The following SLC15A3 variants were observed in gnomAD, a reference collection of about 807,000 sequenced individuals.
SLC15A3 encodes the protein osteoclast transporter.
SLC15A3 carries 39 observed loss-of-function variants against 49.2 expected under a neutral mutation model. The observed-to-expected ratio is 0.79, with a 90% CI of 0.61 to 1.04. SLC15A3 has a LOEUF of 1.04. Among genes scored for constraint, SLC15A3 ranks in the 50% least tolerant of loss-of-function variants. SLC15A3 has a pLI of 0.00. For missense variants in SLC15A3, 758 were observed against 794.8 expected (o/e 0.95, Z 0.56); for synonymous variants, 339 against 367.0 (o/e 0.92, Z 0.87).
chr11:60,949,548 G>GAA (rs981886374), intron 1 of SLC15A3, among the ~76,000 whole-genome samples: 3 of 78,480 alleles, frequency 3.8e-5, no homozygotes, highest in African/African-American at 8.3e-5. Flanking sequence ...AAGAAAGAAA[G>GAA]AAAGAAAGAA....
At chr11:60,937,754 C>T in intron 7 of SLC15A3, 116 bp downstream of exon 7, 1 of 1,342,138 alleles carries the variant, frequency 7.5e-7, no homozygotes, top group Non-Finnish European at 1.0e-6. Flanking sequence ...ACCCCATTCT[C>T]CCAAGTCTAG....
rs188885660 is a variant in SLC15A3, at chr11:60,950,004, T to C, written c.558+990A>G. On this transcript the variant is annotated intron_variant, in intron 1 of 7. Coordinates refer to ENST00000227880, the MANE Select transcript of SLC15A3 (RefSeq NM_016582.3). ...GGGAACAGCTATCAAAATATAGCCGTGTTGTTGGGCATTTACTCATTCATT... is the reference window on the plus strand; with the variant it reads ...GGGAACAGCTATCAAAATATAGCCGCGTTGTTGGGCATTTACTCATTCATT... 2.4e-3 allele frequency among the ~76,000 whole-genome samples: 367 copies of C among 152,324 alleles called. 2 individuals carry two copies. Among genetic ancestry groups the C allele is most frequent in the African/African-American group, 7.8e-3 (325 of 41,572 alleles).
Position 60,941,220 on chromosome 11 carries a change from A to G in SLC15A3, c.1178T>C (p.Leu393Ser), listed in dbSNP as rs547912188. 5.0e-6 allele frequency: 8 copies of G among 1,614,216 alleles called. No individual in the cohort carries two copies. In the East Asian group the frequency reaches 8.9e-5, roughly 18 times the overall value. Residue 393 changes from leucine to serine, a missense_variant, in exon 5 of 8, where the codon TTG becomes TCG. Transcript: ENST00000227880. ...GCACCGCAGCAGTAAAGGGTCGATC[A>G]AGCGGTCCTTCAGAGGGACCAGAAT... is the stretch of plus-strand genomic sequence containing the variant. ...VLILVPLKDRLIDPLLLRCKL... is the reference protein window; with the variant it reads ...VLILVPLKDRSIDPLLLRCKL...
chr11:60,942,188 T>C lies in SLC15A3; in HGVS notation c.997-43A>G, dbSNP rs57680304. 11,212 of 1,552,884 alleles carry C rather than the reference T, an allele frequency of 7.2e-3. 642 individuals are homozygous for C. The African/African-American group carries it at 0.13, about 18-fold the overall frequency. On this transcript the variant is annotated intron_variant, in intron 3 of 7. Coordinates refer to ENST00000227880, the MANE Select transcript of SLC15A3 (RefSeq NM_016582.3). ...GGTGAGGCTGGAACAGAAACGGCCA[T>C]GCCCCCTCCCAACTCCTAGGTGGCA...
intron 6 of SLC15A3, among the ~76,000 whole-genome samples, chr11:60,938,457 C>G (rs1856658452): frequency 6.6e-6 from 1 of 152,120 alleles, no homozygotes. Flanking sequence ...CCAACCCCAG[C>G]CCTGGTCACT....
chr11:60,947,572 GA>G (rs1189023307), intron 1 of SLC15A3, among the ~76,000 whole-genome samples: 4 of 152,288 alleles, frequency 2.6e-5, no homozygotes, highest in Middle Eastern at 3.4e-3. Flanking sequence ...CGAAAGAACA[GA>G]AGTCTGAGCG....
chr11:60,943,640 T>C (rs1420510001), intron 3 of SLC15A3, 49 bp downstream of exon 3: 5 of 1,451,058 alleles, frequency 3.4e-6, no homozygotes, highest in Non-Finnish European at 4.6e-6. Context: ...GCCATTCAGA[T>C]GGTGAGTGGG....
At chr11:60,939,189 C>T (rs1337046243) in intron 6 of SLC15A3, among the ~76,000 whole-genome samples, 1 of 152,184 alleles carries the variant, frequency 6.6e-6, no homozygotes, top group Non-Finnish European at 1.5e-5. Flanking sequence ...GAGGGAACAG[C>T]AACTTCAAAG....
chr11:60,942,017 A>C lies in SLC15A3; in HGVS notation c.1107+18T>G, dbSNP rs1299607577. ...TACCTGGCTGAACTGGGTGCCGAAC[A>C]CATGCTTTATCTCTCACCGTGTAGC... On this transcript the variant is annotated intron_variant, in intron 4 of 7. Transcript: ENST00000227880. 5 of 1,610,634 alleles carry C rather than the reference A, an allele frequency of 3.1e-6. No individual in the cohort carries two copies. The highest frequency in any genetic ancestry group is 4.2e-6 in the Non-Finnish European group (5 of 1,176,940).
intron 1 of SLC15A3, among the ~76,000 whole-genome samples, chr11:60,948,484 G>T (rs11605460): frequency 0.026 from 3,964 of 152,198 alleles, 99 homozygotes; most frequent in East Asian, 0.1. Context: ...AGCTCCTGGG[G>T]TATAGCTGTT....
intron 1 of SLC15A3, among the ~76,000 whole-genome samples, chr11:60,949,589 G>A (rs1357543572): frequency 6.7e-6 from 1 of 149,370 alleles, no homozygotes; most frequent in Non-Finnish European, 1.5e-5. Flanking sequence ...GCCAGGGCTG[G>A]CCTGGGGGCA....
chr11:60,949,556 GAA>G (rs147789337), intron 1 of SLC15A3, among the ~76,000 whole-genome samples: 3 of 71,378 alleles, frequency 4.2e-5, no homozygotes, highest in Admixed American at 1.9e-4. Flanking sequence ...AAGAAAGAAA[GAA>G]AGAAAGAAAG....
intron 5 of SLC15A3, 140 bp from the exon 6 acceptor site, chr11:60,939,778 T>TG (rs1190124763): frequency 1.1e-6 from 1 of 949,396 alleles, no homozygotes. Flanking sequence ...AATGCTGGAC[T>TG]GGGGGGTGGA....
rs1565124844 is a variant in SLC15A3 at position 60,937,120 on chromosome 11, C to G, written c.*99G>C. ...GGCTCATGCCCCTTATTTATGGGAA[C>G]CATTTCATTCTAACAGAATAAACCG... On this transcript the variant is annotated 3_prime_UTR_variant, in exon 8 of 8. Coordinates refer to ENST00000227880, the MANE Select transcript of SLC15A3 (RefSeq NM_016582.3). The G allele has an allele frequency of 2.0e-6, 3 of 1,499,814 alleles. No individual in the cohort carries two copies. The highest frequency in any genetic ancestry group is 2.7e-6 in the Non-Finnish European group (3 of 1,120,334). 92.9% of individuals were successfully genotyped at this position (1,499,814 alleles called of 1,614,324 possible). A position where few individuals can be genotyped will look rare whatever the true frequency, so the allele number is the denominator to read the frequency against.
intron 3 of SLC15A3, 191 bp from the exon 4 acceptor site, chr11:60,942,336 T>G: frequency 1.8e-6 from 1 of 562,966 alleles, no homozygotes; most frequent in South Asian, 2.0e-5. Context: ...CTTCCTGTGC[T>G]CTGCTCTCAG....
In SLC15A3 at chr11:60,942,049, C is replaced by G. The variant is rs376050411; in HGVS notation, c.1093G>C (p.Gly365Arg). The G allele has an allele frequency of 4.3e-6, 7 of 1,613,976 alleles. No homozygotes were observed. Among genetic ancestry groups the G allele is most frequent in the Middle Eastern group, 1.6e-4 (1 of 6,084 alleles). Reference sequence around the variant, plus strand: ...TTATCTCTCACCGTGTAGCTGCTGCCCTGGGCTCTCAGGGCCACAGAGATG... The same window carrying G: ...TTATCTCTCACCGTGTAGCTGCTGCGCTGGGCTCTCAGGGCCACAGAGATG... The part of the protein sequence containing the change: ...ANISVALRAQ[G>R]SSYTIPEAWL... Residue 365 changes from glycine to arginine, a missense_variant, in exon 4 of 8, where the codon GGC becomes CGC. Coordinates refer to ENST00000227880, the MANE Select transcript of SLC15A3 (RefSeq NM_016582.3).
In SLC15A3 at chr11:60,949,496, G is replaced by C. The variant is rs895694715; in HGVS notation, c.558+1498C>G. ...AAAGAGAAAGAAAGGAAGAAAGAAA[G>C]AAAGAAGGAAAGAAAGAAAGAAAGA... On this transcript the variant is annotated intron_variant, in intron 1 of 7. Transcript: ENST00000227880. Among the ~76,000 whole-genome samples the C allele has an allele frequency of 3.6e-5, 5 of 138,770 alleles. 1 individual carries two copies. Among genetic ancestry groups the C allele is most frequent in the Non-Finnish European group, 7.8e-5 (5 of 64,460 alleles). 91.0% of individuals were successfully genotyped at this position (138,770 alleles called of 152,430 possible).
intron 3 of SLC15A3, chr11:60,942,765 CTG>C (rs1856733987): frequency 6.6e-6 from 1 of 152,370 alleles, no homozygotes; most frequent in Non-Finnish European, 1.5e-5. Context: ...ATTGGTATGA[CTG>C]AGAATCAGCC....
chr11:60,943,832 G>T lies in SLC15A3; in HGVS notation c.853C>A (p.Arg285Ser), dbSNP rs190794276. The T allele has an allele frequency of 6.3e-7, 1 of 1,576,708 alleles. No individual in the cohort carries two copies. Among genetic ancestry groups the T allele is most frequent in the Non-Finnish European group, 8.6e-7 (1 of 1,158,390 alleles). Residue 285 changes from arginine to serine, a missense_variant, in exon 3 of 8, where the codon CGT becomes AGT. Arg to Ser is a moderately radical substitution (Grantham distance 110). Coordinates refer to ENST00000227880, the MANE Select transcript of SLC15A3 (RefSeq NM_016582.3). ...TCGGCCAGCACGCGGGCACATTGACGGTCTCTGTGAGACCCCAGAGGCAGC... is the reference window on the plus strand; with the variant it reads ...TCGGCCAGCACGCGGGCACATTGACTGTCTCTGTGAGACCCCAGAGGCAGC... The part of the protein sequence containing the change: ...QLWQRHSARD[R>S]QCARVLADER...
Sources: gnomAD v4.1 joint callset for allele counts (sites outside exome capture counted in the v4.1 genomes callset) on GRCh38, gnomAD v4.1.1 for gene constraint, MANE v1.5 for transcripts, NCBI Gene and HGNC (gene_info 2026-07-23, HGNC 2026-07-21) for gene names.